RELA: variants seen among roughly 807,000 people sequenced by gnomAD.
RELA encodes transcription factor p65.
A neutral mutation model predicts 56.7 loss-of-function variants in RELA; 14 were observed. The ratio of observed to expected loss-of-function variants is 0.25; its 90% confidence interval spans 0.16 to 0.39. RELA has a LOEUF of 0.39. RELA is among the 10% of genes least tolerant of loss of function. RELA has a pLI of 1.00. For synonymous variants in RELA, 315 were observed against 289.7 expected, an observed-to-expected ratio of 1.09 and a Z score of -0.89; for missense variants, 559 against 736.4, an observed-to-expected ratio of 0.76 and a Z score of 2.79.
upstream of RELA, among the ~76,000 whole-genome samples, chr11:65,663,549 C>T (rs1160779702): frequency 1.3e-5 from 2 of 152,216 alleles, no homozygotes; most frequent in Non-Finnish European, 2.9e-5. Flanking sequence ...TGGCCGAGGG[C>T]TCGTCCCTCT....
chr11:65,662,247 C>T, intron 1 of RELA, 42 bp from the exon 2 acceptor site: 1 of 1,505,958 alleles, frequency 6.6e-7, no homozygotes, highest in Non-Finnish European at 8.9e-7. Flanking sequence ...CACCCAATGC[C>T]CATTCTCACA....
chr11:65,656,649 G>C (rs1590933546), intron 8 of RELA, among the ~76,000 whole-genome samples: 1 of 152,212 alleles, frequency 6.6e-6, no homozygotes, highest in Admixed American at 6.5e-5. Context: ...GGATGTGGCC[G>C]TGAGTATGCA....
In RELA at chr11:65,658,271, C is replaced by A; in HGVS notation, c.877+16G>T. On this transcript the variant is annotated intron_variant, in intron 8 of 10. Transcript: ENST00000406246. This position sits in a 1 kb window ranked among gnomAD's most constrained non-coding sequence, Gnocchi z 4.5. ...CAGAGCCCAGCTGCCCTGATGCTGC[C>A]ACCCCAGCTGTGTACCTGTATCTGG... 6.4e-7 allele frequency: 1 copy of A among 1,562,130 alleles called. No individual in the cohort carries two copies. The highest frequency in any genetic ancestry group is 1.2e-5 in the South Asian group (1 of 85,774).
Position 65,658,676 on chromosome 11 carries a change from C to T in RELA, c.664+42G>A. ...CACTCCACTTCTCTGCTCAGCTTCA[C>T]CCCTTGCTCCCAAGAGCCCACCCCT... On this transcript the variant is annotated intron_variant, in intron 7 of 10. Transcript: ENST00000406246. This position sits in a 1 kb window ranked among gnomAD's most constrained non-coding sequence, Gnocchi z 4.5. The T allele has an allele frequency of 6.4e-7, 1 of 1,565,062 alleles. No individual in the cohort carries two copies. Among genetic ancestry groups the T allele is most frequent in the Non-Finnish European group, 8.8e-7 (1 of 1,136,010 alleles).
chr11:65,657,066 C>T (rs980578557), intron 8 of RELA, among the ~76,000 whole-genome samples: 3 of 151,896 alleles, frequency 2.0e-5, no homozygotes, highest in East Asian at 3.9e-4. Context: ...TCTCAAGTGA[C>T]GGTGGTCCAG....
Position 65,654,122 on chromosome 11 carries a change from T to C in RELA, c.*256A>G. 1.9e-6 allele frequency: 1 copy of C among 535,214 alleles called. No individual in the cohort carries two copies. The highest frequency in any genetic ancestry group is 5.3e-4 in the Middle Eastern group (1 of 1,876). The allele number at this position is 535,214 out of a possible 1,614,324, so 33.2% of individuals were successfully genotyped here. A position where few individuals can be genotyped will look rare whatever the true frequency, so the allele number is the denominator to read the frequency against. On this transcript the variant is annotated 3_prime_UTR_variant, in exon 11 of 11. Coordinates refer to ENST00000406246, the MANE Select transcript of RELA (RefSeq NM_021975.4). Reference sequence around the variant, plus strand: ...TCCCTACAGAGAAGGGAGCTGACCATCAGGACAGGGGAAAAGTTTGAGTTT... The same window carrying C: ...TCCCTACAGAGAAGGGAGCTGACCACCAGGACAGGGGAAAAGTTTGAGTTT...
upstream of RELA, chr11:65,663,057 G>C (rs1219387692): frequency 2.6e-5 from 7 of 270,546 alleles, no homozygotes; most frequent in Admixed American, 3.8e-4. Flanking sequence ...CCGCTGCCGG[G>C]GGTCGGGGCC....
At chr11:65,661,502 C>G in intron 4 of RELA, 185 bp downstream of exon 4, 1 of 554,694 alleles carries the variant, frequency 1.8e-6, no homozygotes, top group Non-Finnish European at 3.1e-6. Flanking sequence ...CCCTGGAACT[C>G]ATCTGCTAGA....
intron 1 of RELA, chr11:65,662,531 G>A: frequency 2.3e-6 from 1 of 439,502 alleles, no homozygotes; most frequent in South Asian, 5.8e-5. Flanking sequence ...TCCCCTAATA[G>A]GGAAACGAAG....
chr11:65,661,719 C>A lies in RELA; in HGVS notation c.303G>T (p.Glu101Asp). The A allele has an allele frequency of 6.2e-7, 1 of 1,610,858 alleles. No homozygotes were observed. Among genetic ancestry groups the A allele is most frequent in the African/African-American group, 1.3e-5 (1 of 75,026 alleles). Residue 101 changes from glutamate to aspartate, a missense_variant, in exon 4 of 11, where the codon GAG becomes GAT. Around this residue, in one of 4 missense-constraint regions of RELA, gnomAD observed 149 missense variants for 256.0 expected, o/e 0.58. Transcript: ENST00000406246. ...VGKDCRDGFY[E>D]AELCPDRCIH... ...TGCAGCGGTCCGGGCAGAGCTCAGC[C>A]TCATAGAAGCCATCCCGGCAGTCCT...
rs1856376482 is a variant in RELA at position 65,654,793 on chromosome 11, G to A, written c.1241C>T (p.Ala414Val). The A allele has an allele frequency of 1.3e-6, 2 of 1,522,384 alleles. No individual in the cohort carries two copies. Among genetic ancestry groups the A allele is most frequent in the South Asian group, 2.5e-5 (2 of 78,466 alleles). 94.3% of individuals were successfully genotyped at this position (1,522,384 alleles called of 1,614,324 possible). ...GGCCACAGCCTGAGGAGGGCCTGGGGCTAGGACTGGGACAGGGGCTGGGGC... is the reference window on the plus strand; with the variant it reads ...GGCCACAGCCTGAGGAGGGCCTGGGACTAGGACTGGGACAGGGGCTGGGGC... ...AQAPAPVPVL[A>V]PGPPQAVAPP... The change falls in exon 11 of 11, where the codon GCC becomes GTC. Residue 414 changes from alanine (A) to valine (V), a missense_variant. Ala to Val is a moderately conservative substitution (Grantham distance 64). Around this residue, in one of 4 missense-constraint regions of RELA, gnomAD observed 365 missense variants for 387.5 expected, o/e 0.94. Transcript: ENST00000406246.
At chr11:65,662,295 C>A in intron 1 of RELA, 90 bp from the exon 2 acceptor site, 1 of 1,409,944 alleles carries the variant, frequency 7.1e-7, no homozygotes, top group Non-Finnish European at 9.3e-7. Flanking sequence ...AGAAGCCAGG[C>A]TCCCTCCCAG....
At position 65,654,872 on chromosome 11, in the gene RELA, G is replaced by T; in HGVS notation, c.1162C>A (p.Pro388Thr). ...ALAPAPPQVLPQAPAPAPAPA... is the reference protein window; with the variant it reads ...ALAPAPPQVLTQAPAPAPAPA... ...GCAGGGGCAGGGGCTGGAGCCTGGGGCAGGACTTGGGGAGGGGCCGGGGCC... is the reference window on the plus strand; with the variant it reads ...GCAGGGGCAGGGGCTGGAGCCTGGGTCAGGACTTGGGGAGGGGCCGGGGCC... Residue 388 changes from proline to threonine, a missense_variant, in exon 11 of 11, where the codon CCC becomes ACC. Around this residue, in one of 4 missense-constraint regions of RELA, gnomAD observed 365 missense variants for 387.5 expected, o/e 0.94. Coordinates refer to ENST00000406246, the MANE Select transcript of RELA (RefSeq NM_021975.4). The T allele has an allele frequency of 6.4e-7, 1 of 1,572,350 alleles. No individual in the cohort carries two copies. The highest frequency in any genetic ancestry group is 8.6e-7 in the Non-Finnish European group (1 of 1,156,586).
At chr11:65,663,587 G>T (rs1008401676), upstream of RELA, among the ~76,000 whole-genome samples, 1 of 152,200 alleles carries the variant, frequency 6.6e-6, no homozygotes, top group Non-Finnish European at 1.5e-5. Context: ...TTACGATACA[G>T]CCAAACTGCC....
At chr11:65,662,434 A>T in intron 1 of RELA, 3 of 535,854 alleles carry the variant, frequency 5.6e-6, no homozygotes, top group Non-Finnish European at 9.7e-6. Context: ...GGGAAGCTGA[A>T]TCAGGGCCTG....
At chr11:65,659,572 G>C in intron 6 of RELA, 94 bp downstream of exon 6, 2 of 1,475,320 alleles carry the variant, frequency 1.4e-6, no homozygotes, top group South Asian at 2.3e-5. Context: ...ATTGAATGAA[G>C]CCAGAGCGCC....
chr11:65,654,426 G>A lies in RELA; in HGVS notation c.1608C>T (p.Ser536=). The change falls in exon 11 of 11, where the codon TCC becomes TCT. Residue 536 remains serine, a synonymous_variant. Transcript: ENST00000406246. ...GLLSGDEDFS[S]IADMDFSALL... is the part of the protein sequence containing the mutation. ...GGGCTGAGAAGTCCATGTCCGCAATGGAGGAGAAGTCTTCATCTCCTGAAA... is the reference window on the plus strand; with the variant it reads ...GGGCTGAGAAGTCCATGTCCGCAATAGAGGAGAAGTCTTCATCTCCTGAAA... 1 of 1,611,410 alleles carries A rather than the reference G, an allele frequency of 6.2e-7. No homozygotes were observed. Among genetic ancestry groups the A allele is most frequent in the Non-Finnish European group, 8.5e-7 (1 of 1,178,868 alleles).
chr11:65,662,485 C>A, intron 1 of RELA: 3 of 481,832 alleles, frequency 6.2e-6, no homozygotes, highest in Non-Finnish European at 7.3e-6. Context: ...GCACGCCCCA[C>A]CTCCCTCCAG....
rs138034120 is a variant in RELA, at chr11:65,655,896, T to C, written c.917A>G (p.Tyr306Cys). The change falls in exon 9 of 11, where the codon TAT becomes TGT. Residue 306 changes from tyrosine (Y) to cysteine (C), a missense_variant. Physicochemically the swap from Tyr to Cys is radical, Grantham distance 194 (BLOSUM62 -2). This residue lies in a region of RELA where 365 missense variants were observed against 387.5 expected (regional missense o/e 0.94). Coordinates refer to ENST00000406246, the MANE Select transcript of RELA (RefSeq NM_021975.4). ...CTTCATGATGCTCTTGAAGGTCTCATATGTCCTTTTACGTTTCTCCTCAAT... is the reference window on the plus strand; with the variant it reads ...CTTCATGATGCTCTTGAAGGTCTCACATGTCCTTTTACGTTTCTCCTCAAT... ...HRIEEKRKRT[Y>C]ETFKSIMKKS... is the part of the protein sequence containing the mutation. The C allele has an allele frequency of 1.9e-6, 3 of 1,613,980 alleles. No homozygotes were observed. Among genetic ancestry groups the C allele is most frequent in the East Asian group, 2.2e-5 (1 of 44,902 alleles).
Sources: allele counts gnomAD v4.1 joint callset (sites outside exome capture counted in the v4.1 genomes callset), GRCh38; gene constraint gnomAD v4.1.1; regional missense constraint gnomAD v4.1.1; non-coding constraint Gnocchi (gnomAD v3.1); transcripts MANE v1.5; gene names NCBI Gene and HGNC (gene_info 2026-07-23, HGNC 2026-07-21).